Variants in DPRX observed in about 807,000 individuals in gnomAD.
DPRX encodes divergent-paired related homeobox.
Under a neutral mutation model 8.4 loss-of-function variants are expected in DPRX, and 11 were observed. That is an observed-to-expected ratio of 1.31 (90% CI 0.82 to 2.17). The LOEUF (loss-of-function observed/expected upper bound fraction) is 2.17, where lower values mean the gene tolerates loss of function less well. Ranked by LOEUF, DPRX falls within the 30% of genes most tolerant of loss-of-function variation. DPRX has a pLI of 0.00. For missense variants in DPRX, 211 were observed against 236.7 expected (o/e 0.89, Z 0.71); for synonymous variants, 72 against 87.0 (o/e 0.83, Z 0.96).
At chr19:53,631,290 CTAAA>C (rs888529109), upstream of DPRX, among the ~76,000 whole-genome samples, 1 of 151,200 alleles carries the variant, frequency 6.6e-6, no homozygotes, top group Non-Finnish European at 1.5e-5. Context: ...GACTCCATCT[CTAAA>C]TAAATAAATA....
chr19:53,632,194 C>T (rs368129514), intron 1 of DPRX, 60 bp downstream of exon 1: 55 of 1,612,510 alleles, frequency 3.4e-5, no homozygotes, highest in African/African-American at 2.3e-4. Context: ...AAGCAGCTGG[C>T]GGCGGGAAAA....
chr19:53,603,755 T>G, the DPRX span, among the ~76,000 whole-genome samples: 1 of 150,612 alleles, frequency 6.6e-6, no homozygotes, highest in Non-Finnish European at 1.5e-5. Flanking sequence ...TCTTTTTTTT[T>G]TTTTTTGAGA....
At chr19:53,613,552 G>T in the DPRX span, among the ~76,000 whole-genome samples, 143 of 151,200 alleles carry the variant, frequency 9.5e-4, no homozygotes, top group Middle Eastern at 6.8e-3. Context: ...AGAGACGGGG[G>T]TTTCACCATG....
In DPRX at chr19:53,632,415, C is replaced by T. The variant is rs565665138; in HGVS notation, c.28+281C>T. ...TCCCAGGTTCAAGCAATTCTCCTGC[C>T]TCAGCCTCCCGAGTAGCTGGGATGA... On this transcript the variant is annotated intron_variant, in intron 1 of 2. Coordinates refer to ENST00000376650, the Ensembl canonical transcript of DPRX. 1.2e-3 allele frequency among the ~76,000 whole-genome samples: 186 copies of T among 152,250 alleles called. 1 individual carries two copies. Among genetic ancestry groups the T allele is most frequent in the African/African-American group, 4.3e-3 (178 of 41,564 alleles).
the DPRX span, among the ~76,000 whole-genome samples, chr19:53,622,360 G>A: frequency 6.6e-6 from 1 of 152,096 alleles, no homozygotes; most frequent in African/African-American, 2.4e-5. Flanking sequence ...AGAGGGGCTG[G>A]GCGTGGTGGT....
At chr19:53,624,392 G>A in the DPRX span, among the ~76,000 whole-genome samples, 6 of 149,332 alleles carry the variant, frequency 4.0e-5, no homozygotes, top group East Asian at 1.2e-3. Flanking sequence ...ATGCCCAGCT[G>A]TTTTTTTGTT....
At chr19:53,619,180 C>A in the DPRX span, among the ~76,000 whole-genome samples, 3 of 152,164 alleles carry the variant, frequency 2.0e-5, no homozygotes, top group South Asian at 6.2e-4. Context: ...AGAATGTGAT[C>A]CTAAACCAAG....
At chr19:53,603,583 G>A in the DPRX span, 1 of 347,420 alleles carries the variant, frequency 2.9e-6, no homozygotes, top group South Asian at 2.2e-5. Context: ...ATTAACCCAG[G>A]TCCCTGTTCA....
the DPRX span, among the ~76,000 whole-genome samples, chr19:53,624,779 T>C: frequency 6.8e-6 from 1 of 146,648 alleles, no homozygotes. Context: ...GAGACGGGCA[T>C]TGCAGTGAGC....
chr19:53,611,015 C>G, the DPRX span, among the ~76,000 whole-genome samples: 22,298 of 151,792 alleles, frequency 0.15, 1,776 homozygotes, highest in South Asian at 0.27. Flanking sequence ...CGATTCTCCT[C>G]CCTCAGCCTC....
chr19:53,615,571 G>T, the DPRX span, among the ~76,000 whole-genome samples: 1 of 152,046 alleles, frequency 6.6e-6, no homozygotes, highest in South Asian at 2.1e-4. Flanking sequence ...GCGAGCCACT[G>T]TGCCTGGCCC....
At chr19:53,629,711 A>T (rs2091084143), upstream of DPRX, 1 of 151,644 alleles carries the variant, frequency 6.6e-6, no homozygotes, top group Non-Finnish European at 1.5e-5. Context: ...ACTGTTCATC[A>T]GGCCGGGTGC....
intron 1 of DPRX, among the ~76,000 whole-genome samples, chr19:53,632,911 T>A (rs1021429151): frequency 6.6e-5 from 10 of 152,170 alleles, no homozygotes; most frequent in Non-Finnish European, 1.5e-4. Flanking sequence ...AGATAGAATA[T>A]AGGCTTAGCC....
chr19:53,635,400 G>A (rs549984780), intron 2 of DPRX, among the ~76,000 whole-genome samples: 23 of 152,116 alleles, frequency 1.5e-4, no homozygotes, highest in Non-Finnish European at 3.2e-4. Flanking sequence ...GGAGTGCAGT[G>A]GCACGATCAT....
intron 2 of DPRX, 65 bp downstream of exon 2, chr19:53,634,750 CT>C: frequency 6.4e-7 from 1 of 1,552,738 alleles, no homozygotes; most frequent in Non-Finnish European, 8.7e-7. Context: ...CAGAGTCCCT[CT>C]AGGATAATTC....
At chr19:53,636,090 G>A (rs961794693) in intron 2 of DPRX, among the ~76,000 whole-genome samples, 1 of 152,174 alleles carries the variant, frequency 6.6e-6, no homozygotes, top group African/African-American at 2.4e-5. Flanking sequence ...AACTTGGGTT[G>A]GGTATGGTGG....
chr19:53,628,456 C>G (rs2091079156), upstream of DPRX, among the ~76,000 whole-genome samples: 1 of 152,156 alleles, frequency 6.6e-6, no homozygotes, highest in African/African-American at 2.4e-5. Context: ...TTTGACACTT[C>G]TTAGTGTTTT....
intron 1 of DPRX, 87 bp from the exon 2 acceptor site, chr19:53,634,444 C>T: frequency 6.7e-7 from 1 of 1,495,346 alleles, no homozygotes; most frequent in Non-Finnish European, 9.0e-7. Flanking sequence ...TCACGTTGTA[C>T]CTCAGTGGAA....
intron 2 of DPRX, among the ~76,000 whole-genome samples, chr19:53,635,170 G>A (rs988235019): frequency 5.3e-5 from 8 of 152,004 alleles, no homozygotes; most frequent in Non-Finnish European, 1.0e-4. Flanking sequence ...GCATGAGCCC[G>A]GCTGTATTTT....
Sources: gnomAD v4.1 joint callset for allele counts (sites outside exome capture counted in the v4.1 genomes callset) on GRCh38, gnomAD v4.1.1 for gene constraint, MANE v1.5 for transcripts, NCBI Gene and HGNC (gene_info 2026-07-23, HGNC 2026-07-21) for gene names.